The following FHIT variants were observed in gnomAD, a reference collection of about 807,000 sequenced individuals.
FHIT encodes the protein fragile histidine triad diadenosine triphosphatase.
In FHIT, 19 loss-of-function variants were observed where a neutral mutation model predicts 17.9. The observed-to-expected ratio is 1.06, with a 90% CI of 0.74 to 1.56. FHIT has a LOEUF of 1.56. FHIT is among the 40% of genes most tolerant of loss of function. FHIT has a pLI of 0.00. For synonymous variants in FHIT, 81 were observed against 69.7 expected (o/e 1.16, Z -0.81); for missense variants, 248 against 189.2 (o/e 1.31, Z -1.82).
At chr3:61,213,698 C>T (rs1340432998) in intron 1 of FHIT, among the ~76,000 whole-genome samples, 6 of 152,114 alleles carry the variant, frequency 3.9e-5, no homozygotes, top group Non-Finnish European at 7.4e-5. Context: ...AACAACAGAA[C>T]ATACATTTTT....
intron 5 of FHIT, among the ~76,000 whole-genome samples, chr3:60,170,064 A>G (rs1187213820): frequency 6.6e-6 from 1 of 152,126 alleles, no homozygotes; most frequent in Non-Finnish European, 1.5e-5. Context: ...ATGATTGGAG[A>G]AGGCGCCTTC....
intron 4 of FHIT, among the ~76,000 whole-genome samples, chr3:60,641,304 A>G (rs2039718939): frequency 6.6e-6 from 1 of 152,202 alleles, no homozygotes; most frequent in Admixed American, 6.5e-5. Flanking sequence ...ATGTAAGAAT[A>G]TTTTTACAAA....
intron 4 of FHIT, among the ~76,000 whole-genome samples, chr3:60,747,944 G>A (rs955214684): frequency 6.6e-6 from 1 of 152,188 alleles, no homozygotes; most frequent in African/African-American, 2.4e-5. Flanking sequence ...ATGTGCAAGT[G>A]CATCTCAGTG....
rs1559654055 is a variant in FHIT at position 60,124,065 on chromosome 3, G to GAGAGACAGAGAGAC, written c.104-109914_104-109913insGTCTCTCTGTCTCT. Among the ~76,000 whole-genome samples, 46 of 108,254 alleles carry GAGAGACAGAGAGAC rather than the reference G, an allele frequency of 4.2e-4. 1 individual carries two copies. The highest frequency in any genetic ancestry group is 1.6e-3 in the African/African-American group (42 of 25,840). 71.0% of individuals were successfully genotyped at this position (108,254 alleles called of 152,430 possible). On this transcript the variant is annotated intron_variant, in intron 5 of 9. Coordinates refer to ENST00000492590, the MANE Select transcript of FHIT (RefSeq NM_002012.4). Reference sequence around the variant, plus strand: ...AGAGAGAGAGAGAGAGACAGAGAGAGAGAGAGATACAAAGTCTCACTCTGT... The same window carrying GAGAGACAGAGAGAC: ...AGAGAGAGAGAGAGAGACAGAGAGAGAGAGACAGAGAGACAGAGAGATACAAAGTCTCACTCTGT...
intron 7 of FHIT, among the ~76,000 whole-genome samples, chr3:59,954,159 T>C (rs1422607346): frequency 1.3e-5 from 2 of 151,818 alleles, no homozygotes; most frequent in Non-Finnish European, 2.9e-5. Context: ...ACTTGCACTA[T>C]TGTTTACAGC....
chr3:60,528,334 A>G (rs1381195505), intron 5 of FHIT, among the ~76,000 whole-genome samples: 1 of 152,130 alleles, frequency 6.6e-6, no homozygotes, highest in Non-Finnish European at 1.5e-5. Flanking sequence ...ATTATTTAAA[A>G]TTATCTTAAT....
intron 8 of FHIT, among the ~76,000 whole-genome samples, chr3:59,862,172 G>C (rs1358286645): frequency 6.6e-6 from 1 of 152,206 alleles, no homozygotes; most frequent in Non-Finnish European, 1.5e-5. Context: ...CCCACATGGT[G>C]GGGGAGACCT....
At chr3:60,101,943 C>T (rs988512019) in intron 5 of FHIT, among the ~76,000 whole-genome samples, 2 of 152,198 alleles carry the variant, frequency 1.3e-5, no homozygotes, top group African/African-American at 4.8e-5. Flanking sequence ...TCTTCCCTTC[C>T]TCACTCAAGT....
At chr3:60,409,930 G>A (rs1702002864) in intron 5 of FHIT, among the ~76,000 whole-genome samples, 3 of 152,124 alleles carry the variant, frequency 2.0e-5, no homozygotes, top group Admixed American at 2.0e-4. Flanking sequence ...AAAGCTTATA[G>A]GGTATTATAG....
intron 1 of FHIT, among the ~76,000 whole-genome samples, chr3:61,229,059 G>A (rs1261504696): frequency 6.6e-6 from 1 of 152,154 alleles, no homozygotes; most frequent in Non-Finnish European, 1.5e-5. Flanking sequence ...GTAAAAACCT[G>A]TACTGGGTTG....
chr3:60,044,581 T>C (rs531769189), intron 5 of FHIT, among the ~76,000 whole-genome samples: 15 of 152,126 alleles, frequency 9.9e-5, no homozygotes, highest in African/African-American at 3.4e-4. Flanking sequence ...AGAACAACAA[T>C]GATATCATGG....
At chr3:60,541,414 A>G (rs2036181899) in intron 4 of FHIT, among the ~76,000 whole-genome samples, 1 of 152,158 alleles carries the variant, frequency 6.6e-6, no homozygotes, top group African/African-American at 2.4e-5. Context: ...CCTCCCCAGA[A>G]TCTACTTCCT....
intron 5 of FHIT, among the ~76,000 whole-genome samples, chr3:60,050,628 C>T (rs984752798): frequency 3.3e-5 from 5 of 152,136 alleles, no homozygotes; most frequent in East Asian, 1.9e-4. Flanking sequence ...AGAATCCAGG[C>T]GCAGGATCCC....
intron 4 of FHIT, among the ~76,000 whole-genome samples, chr3:60,621,542 G>A (rs777392371): frequency 5.9e-5 from 9 of 151,856 alleles, no homozygotes; most frequent in Admixed American, 5.2e-4. Context: ...TCTGAAATTT[G>A]GACAGTTCCT....
chr3:60,451,640 A>C (rs999519355), intron 5 of FHIT, among the ~76,000 whole-genome samples: 3 of 152,168 alleles, frequency 2.0e-5, no homozygotes, highest in East Asian at 3.9e-4. Flanking sequence ...AAAGAATATA[A>C]GTATCTACGG....
chr3:60,528,698 T>C (rs1047467939), intron 5 of FHIT, among the ~76,000 whole-genome samples: 1 of 152,196 alleles, frequency 6.6e-6, no homozygotes, highest in Non-Finnish European at 1.5e-5. Context: ...AAAATCTCCC[T>C]CTAAAATCTA....
chr3:59,761,668 A>G (rs1701524059), intron 8 of FHIT, among the ~76,000 whole-genome samples: 1 of 151,368 alleles, frequency 6.6e-6, no homozygotes, highest in African/African-American at 2.4e-5. Flanking sequence ...GTGCAGTGGC[A>G]TGATCTCGGC....
At chr3:61,057,690 G>A (rs577403244) in intron 2 of FHIT, among the ~76,000 whole-genome samples, 15 of 152,338 alleles carry the variant, frequency 9.8e-5, no homozygotes, top group African/African-American at 3.6e-4. Context: ...TGGCGGGGGA[G>A]AGAGGGTGAA....
At chr3:59,818,976 A>C (rs984204721) in intron 8 of FHIT, among the ~76,000 whole-genome samples, 1 of 152,246 alleles carries the variant, frequency 6.6e-6, no homozygotes, top group Non-Finnish European at 1.5e-5. Context: ...TAAAAATCGC[A>C]ATGCAGAGAA....
Sources: gnomAD v4.1 joint callset for allele counts (sites outside exome capture counted in the v4.1 genomes callset) on GRCh38, gnomAD v4.1.1 for gene constraint, MANE v1.5 for transcripts, NCBI Gene and HGNC (gene_info 2026-07-23, HGNC 2026-07-21) for gene names.